Variants in KLC1 observed in about 807,000 individuals in gnomAD.
KLC1 encodes the protein kinesin light chain 1, also known as kinesin 2 60/70kDa.
KLC1 carries 30 observed loss-of-function variants against 84.2 expected under a neutral mutation model. The ratio of observed to expected loss-of-function variants is 0.36; its 90% CI spans 0.27 to 0.48. The LOEUF is 0.48. Among genes scored for constraint, KLC1 ranks in the 20% least tolerant of loss-of-function variants. The probability of loss-of-function intolerance (pLI) is 0.99; values close to 1 mark genes in which losing one functional copy is unlikely to be tolerated. For synonymous variants in KLC1, 289 were observed against 293.3 expected (o/e 0.99, Z 0.15); for missense variants, 499 against 805.4 (o/e 0.62, Z 4.60).
intron 3 of KLC1, among the ~76,000 whole-genome samples, chr14:103,658,279 T>TA (rs1274007102): frequency 1.3e-5 from 2 of 152,152 alleles, no homozygotes; most frequent in African/African-American, 2.4e-5. Flanking sequence ...TTCTTTTTTT[T>TA]ACAAGGAGTC....
Position 103,701,361 on chromosome 14 carries a change from G to A in KLC1, c.*162G>A, listed in dbSNP as rs1448302071. The A allele has an allele frequency of 1.2e-5, 9 of 731,102 alleles. No homozygotes were observed. Among genetic ancestry groups the A allele is most frequent in the East Asian group, 2.9e-5 (1 of 34,630 alleles). 45.3% of individuals were successfully genotyped at this position (731,102 alleles called of 1,614,324 possible). On this transcript the variant is annotated 3_prime_UTR_variant, in exon 17 of 17. Coordinates refer to ENST00000334553, the MANE Select transcript of KLC1 (RefSeq NM_001394837.1). The stretch of plus-strand genomic sequence containing the variant: ...TAGGACATGATACTAATAACCACAC[G>A]GCTGGCGTGACCTTGGGGCTGGGGC...
intron 15 of KLC1, chr14:103,699,167 T>G (rs145063633): frequency 3.8e-6 from 6 of 1,567,432 alleles, no homozygotes. Flanking sequence ...TGCTCCTCCA[T>G]GGCCTCTGTC....
At chr14:103,675,333 A>T (rs187009326) in intron 9 of KLC1, among the ~76,000 whole-genome samples, 3 of 152,314 alleles carry the variant, frequency 2.0e-5, no homozygotes, top group African/African-American at 7.2e-5. Context: ...TCAAAAAAAT[A>T]AAAAACCACA....
At chr14:103,690,290 T>C (rs1347815356) in intron 14 of KLC1, among the ~76,000 whole-genome samples, 2 of 152,256 alleles carry the variant, frequency 1.3e-5, no homozygotes, top group Non-Finnish European at 2.9e-5. Flanking sequence ...TGAGTGGTTC[T>C]AGGTAGAGAA....
At chr14:103,686,219 C>T (rs775991849) in intron 13 of KLC1, 11 of 986,438 alleles carry the variant, frequency 1.1e-5, no homozygotes, top group Non-Finnish European at 1.2e-5. Context: ...AAACTCACTC[C>T]GACTGACCTG....
At position 103,666,343 on chromosome 14, in the gene KLC1, A is replaced by G. The variant is rs147471107; in HGVS notation, c.798-3168A>G. Among the ~76,000 whole-genome samples the G allele has an allele frequency of 6.9e-3, 1,032 of 149,752 alleles. 5 individuals are homozygous for G. Among genetic ancestry groups the G allele is most frequent in the African/African-American group, 0.02 (836 of 40,834 alleles). ...CTCCCAAAGTGCTGGGATTACAGGC[A>G]TGAGCCACCGTGCCCGGCCCTTGGT... On this transcript the variant is annotated intron_variant, in intron 5 of 16. Coordinates refer to ENST00000334553, the MANE Select transcript of KLC1 (RefSeq NM_001394837.1).
intron 1 of KLC1, among the ~76,000 whole-genome samples, chr14:103,630,907 GTGGTAACCTCTAACCCTACTGCAGCCT>G (rs2076622093): frequency 6.6e-6 from 1 of 152,228 alleles, no homozygotes; most frequent in Middle Eastern, 3.4e-3. Flanking sequence ...GAGGACCCAG[GTGGTAACCTCTAACCCTACTGCAGCCT>G]TGGCATTGTC....
chr14:103,633,229 T>C (rs1051511690), intron 1 of KLC1, among the ~76,000 whole-genome samples: 2 of 152,072 alleles, frequency 1.3e-5, no homozygotes, highest in Non-Finnish European at 2.9e-5. Flanking sequence ...GGCTAATTTT[T>C]TGTATTTTTA....
intron 1 of KLC1, among the ~76,000 whole-genome samples, chr14:103,647,897 A>T (rs1010480612): frequency 6.6e-6 from 1 of 150,906 alleles, no homozygotes; most frequent in African/African-American, 2.4e-5. Flanking sequence ...AAAGAATAGC[A>T]TTTCCTAATT....
chr14:103,662,478 G>A (rs1447396194), intron 4 of KLC1, among the ~76,000 whole-genome samples: 1 of 151,894 alleles, frequency 6.6e-6, no homozygotes, highest in African/African-American at 2.4e-5. Context: ...TTGTTTCATG[G>A]CGCCAAGAGG....
chr14:103,698,914 C>T lies in KLC1; in HGVS notation c.1849-1741C>T, dbSNP rs532124840. On this transcript the variant is annotated intron_variant, in intron 15 of 16. Coordinates refer to ENST00000334553, the MANE Select transcript of KLC1 (RefSeq NM_001394837.1). Reference sequence around the variant, plus strand: ...ACCCGCAGGGTCCGGGCTGGGCAGCCGAGGGCAGCCTCTTCCTCGCGGAGC... The same window carrying T: ...ACCCGCAGGGTCCGGGCTGGGCAGCTGAGGGCAGCCTCTTCCTCGCGGAGC... 1.3e-4 allele frequency: 204 copies of T among 1,600,418 alleles called. No homozygotes were observed. The South Asian group carries it at 2.0e-3, about 15-fold the overall frequency.
intron 1 of KLC1, among the ~76,000 whole-genome samples, chr14:103,647,067 A>G (rs1037831618): frequency 2.6e-5 from 4 of 152,114 alleles, no homozygotes; most frequent in African/African-American, 9.7e-5. Context: ...ATTGCATGCC[A>G]TCTCTTTTCA....
intron 7 of KLC1, among the ~76,000 whole-genome samples, chr14:103,671,345 G>A (rs1408289750): frequency 1.3e-5 from 2 of 151,810 alleles, no homozygotes; most frequent in Non-Finnish European, 2.9e-5. Flanking sequence ...TCGGGTATTG[G>A]GTCTATCCGA....
At chr14:103,677,680 C>T (rs546171274) in intron 12 of KLC1, among the ~76,000 whole-genome samples, 157 bp downstream of exon 12, 6 of 152,084 alleles carry the variant, frequency 3.9e-5, no homozygotes, top group South Asian at 2.1e-4. Context: ...AGCATGAGGC[C>T]GGGCGTGGTG....
chr14:103,673,848 G>A (rs1053775761), intron 9 of KLC1, among the ~76,000 whole-genome samples: 3 of 152,026 alleles, frequency 2.0e-5, no homozygotes, highest in Non-Finnish European at 4.4e-5. Context: ...GCGTGAACCC[G>A]GGAGGCGGAT....
intron 15 of KLC1, chr14:103,696,001 C>T: frequency 2.0e-6 from 2 of 985,348 alleles, no homozygotes; most frequent in East Asian, 1.1e-4. Flanking sequence ...CCCAGGCATC[C>T]CTCCTCCTGT....
chr14:103,676,874 A>C (rs1325535874), intron 11 of KLC1, among the ~76,000 whole-genome samples: 6 of 152,026 alleles, frequency 3.9e-5, no homozygotes, highest in Non-Finnish European at 8.8e-5. Context: ...AAAGAAAGAA[A>C]GAACACAGAA....
At chr14:103,692,496 C>T (rs2082178016) in intron 15 of KLC1, 71 bp downstream of exon 15, 1 of 1,331,058 alleles carries the variant, frequency 7.5e-7, no homozygotes, top group Non-Finnish European at 1.0e-6. Context: ...CAGACCCGCA[C>T]TCGGCCCCTG....
Position 103,693,379 on chromosome 14 carries a change from A to AGTGT in KLC1, c.1848+955_1848+958dup, listed in dbSNP as rs2082229756. Among the ~76,000 whole-genome samples, 1 of 152,048 alleles carries AGTGT rather than the reference A, an allele frequency of 6.6e-6. No individual in the cohort carries two copies. The highest frequency in any genetic ancestry group is 2.4e-5 in the African/African-American group (1 of 41,406). On this transcript the variant is annotated intron_variant, in intron 15 of 16. Transcript: ENST00000334553. The surrounding 1 kb of genome is among the most constrained non-coding windows in gnomAD (Gnocchi z 5.1). ...TTTTACAGGGTCCTGTAGCTGACCCAGTGTTTGCCCTCCAGTTTCTTGGAG... is the reference window on the plus strand; with the variant it reads ...TTTTACAGGGTCCTGTAGCTGACCCAGTGTGTGTTTGCCCTCCAGTTTCTTGGAG...
Sources: gnomAD v4.1 joint callset for allele counts (sites outside exome capture counted in the v4.1 genomes callset) on GRCh38, gnomAD v4.1.1 for gene constraint, Gnocchi (gnomAD v3.1) non-coding constraint, MANE v1.5 for transcripts, NCBI Gene and HGNC (gene_info 2026-07-23, HGNC 2026-07-21) for gene names.